The following C12orf75 variants were observed in gnomAD, a reference collection of about 807,000 sequenced individuals.
C12orf75 encodes chromosome 12 open reading frame 75.
Under a neutral mutation model 11.4 loss-of-function variants are expected in C12orf75, and 4 were observed. The observed-to-expected ratio is 0.35, with a 90% CI of 0.17 to 0.80. C12orf75 has a LOEUF of 0.80. C12orf75 is among the 30% of genes least tolerant of loss of function. The probability of loss-of-function intolerance (pLI) is 0.52; values close to 1 mark genes in which losing one functional copy is unlikely to be tolerated. For missense variants in C12orf75, 89 were observed against 80.4 expected (o/e 1.11, Z -0.41); for synonymous variants, 30 against 30.0 (o/e 1.00, Z 0.00).
At position 105,358,394 on chromosome 12, in the gene C12orf75, G is replaced by A. The variant is rs558758912; in HGVS notation, c.72-7413G>A. 6.6e-5 allele frequency among the ~76,000 whole-genome samples: 10 copies of A among 152,176 alleles called. No homozygotes were observed. In the South Asian group the frequency reaches 1.9e-3, roughly 28 times the overall value. ...TATGTTAGCCAGGTGCGGGGTGTGC[G>A]CCTGTGGTGCCAGCTGCTAGGGAGG... On this transcript the variant is annotated intron_variant, in intron 2 of 5. Coordinates refer to ENST00000443585, the MANE Select transcript of C12orf75 (RefSeq NM_001145199.2).
chr12:105,331,145 G>C (rs1020168852), intron 1 of C12orf75, among the ~76,000 whole-genome samples: 1 of 151,926 alleles, frequency 6.6e-6, no homozygotes, highest in Non-Finnish European at 1.5e-5. Context: ...TCGAGCCTGC[G>C]GGGCGTCTCT....
In C12orf75 at chr12:105,362,161, C is replaced by T. The variant is rs370905404; in HGVS notation, c.72-3646C>T. Among the ~76,000 whole-genome samples, 13 of 151,638 alleles carry T rather than the reference C, an allele frequency of 8.6e-5. No homozygotes were observed. The East Asian group carries it at 1.4e-3, about 16-fold the overall frequency. ...CAGCACTTTGGGAGGCCGAGGCGGG[C>T]GGATCACGAGGTCAGGAGATCGAGA... On this transcript the variant is annotated intron_variant, in intron 2 of 5. Transcript: ENST00000443585.
At chr12:105,358,612 A>G (rs560200567) in intron 2 of C12orf75, among the ~76,000 whole-genome samples, 1 of 152,370 alleles carries the variant, frequency 6.6e-6, no homozygotes, top group African/African-American at 2.4e-5. Context: ...TTTCAGTCTT[A>G]CATTTTTTCA....
intron 1 of C12orf75, among the ~76,000 whole-genome samples, chr12:105,332,761 G>T (rs1351750801): frequency 6.7e-6 from 1 of 149,954 alleles, no homozygotes; most frequent in Admixed American, 6.7e-5. Context: ...GAAAAGAAAA[G>T]AAAATAGAAA....
intron 2 of C12orf75, among the ~76,000 whole-genome samples, chr12:105,360,737 T>A (rs1013861148): frequency 3.9e-5 from 6 of 152,078 alleles, no homozygotes; most frequent in African/African-American, 1.4e-4. Flanking sequence ...CTGCAACCAC[T>A]GTCTCCCGGG....
chr12:105,331,572 G>A (rs548339510), intron 1 of C12orf75, among the ~76,000 whole-genome samples: 1 of 147,212 alleles, frequency 6.8e-6, no homozygotes, highest in East Asian at 2.0e-4. Flanking sequence ...TTAACAGTCT[G>A]TTAAGATACT....
At chr12:105,365,729 C>T (rs1215522674) in intron 2 of C12orf75, 78 bp from the exon 3 acceptor site, 7 of 933,104 alleles carry the variant, frequency 7.5e-6, no homozygotes, top group African/African-American at 1.6e-5. Context: ...ACTCAGTAGT[C>T]CCTTTTTCTC....
At chr12:105,353,062 T>C (rs371834739) in intron 2 of C12orf75, among the ~76,000 whole-genome samples, 6 of 152,304 alleles carry the variant, frequency 3.9e-5, no homozygotes, top group African/African-American at 1.4e-4. Flanking sequence ...TTGGCACAAA[T>C]AGGCTGCGTT....
intron 2 of C12orf75, among the ~76,000 whole-genome samples, chr12:105,361,723 C>T (rs934069268): frequency 6.6e-6 from 1 of 152,164 alleles, no homozygotes; most frequent in African/African-American, 2.4e-5. Flanking sequence ...GGCAGGACCA[C>T]ACCACCCCAA....
At chr12:105,350,959 A>G (rs1301735304) in intron 2 of C12orf75, among the ~76,000 whole-genome samples, 1 of 152,232 alleles carries the variant, frequency 6.6e-6, no homozygotes, top group African/African-American at 2.4e-5. Context: ...TCCCTTGACT[A>G]TACCTCATTC....
At position 105,336,770 on chromosome 12, in the gene C12orf75, G is replaced by A. The variant is rs142706501; in HGVS notation, c.46+5833G>A. 2.1e-3 allele frequency among the ~76,000 whole-genome samples: 319 copies of A among 152,260 alleles called. 2 individuals are homozygous for A. The highest frequency in any genetic ancestry group is 7.4e-3 in the African/African-American group (308 of 41,538). On this transcript the variant is annotated intron_variant, in intron 1 of 5. Coordinates refer to ENST00000443585, the MANE Select transcript of C12orf75 (RefSeq NM_001145199.2). The stretch of plus-strand genomic sequence containing the variant: ...GTTAGAGCCTGGGTAACTGGAAGGA[G>A]GTTGCTACTCACTCTAAAAGTAAGG...
At position 105,330,730 on chromosome 12, in the gene C12orf75, C is replaced by A; in HGVS notation, c.-162C>A. 1.6e-6 allele frequency: 1 copy of A among 615,904 alleles called. No homozygotes were observed. The highest frequency in any genetic ancestry group is 2.2e-6 in the Non-Finnish European group (1 of 449,462). The allele number at this position is 615,904 out of a possible 1,614,324, so 38.2% of individuals were successfully genotyped here. A position where few individuals can be genotyped will look rare whatever the true frequency, so the allele number is the denominator to read the frequency against. Reference sequence around the variant, plus strand: ...AGCCCGCAGCCCGCTGCGCCCCGGGCCGCGTCTCCCGGCGGTGGGAGGGGG... The same window carrying A: ...AGCCCGCAGCCCGCTGCGCCCCGGGACGCGTCTCCCGGCGGTGGGAGGGGG... On this transcript the variant is annotated 5_prime_UTR_variant, in exon 1 of 6. Transcript: ENST00000443585.
intron 2 of C12orf75, 74 bp downstream of exon 2, chr12:105,348,700 T>C: frequency 1.0e-6 from 1 of 966,838 alleles, no homozygotes. Context: ...TTATGACCTT[T>C]AGATCTCTGT....
intron 1 of C12orf75, among the ~76,000 whole-genome samples, chr12:105,334,322 T>C (rs1051163422): frequency 1.1e-4 from 17 of 152,206 alleles, no homozygotes; most frequent in African/African-American, 4.1e-4. Flanking sequence ...ATAGTCTAGG[T>C]AGGAAGATTA....
chr12:105,352,072 A>G (rs1441691605), intron 2 of C12orf75, among the ~76,000 whole-genome samples: 1 of 152,184 alleles, frequency 6.6e-6, no homozygotes, highest in Non-Finnish European at 1.5e-5. Flanking sequence ...AATGTAATTA[A>G]TAAGATTTGT....
At chr12:105,340,099 A>G (rs1186922005) in intron 1 of C12orf75, among the ~76,000 whole-genome samples, 1 of 152,152 alleles carries the variant, frequency 6.6e-6, no homozygotes, top group Non-Finnish European at 1.5e-5. Context: ...ATCTGTCTGT[A>G]GGAACCAAGA....
Position 105,353,487 on chromosome 12 carries a change from G to A in C12orf75, c.71+4861G>A, listed in dbSNP as rs1406421390. On this transcript the variant is annotated intron_variant, in intron 2 of 5. Coordinates refer to ENST00000443585, the MANE Select transcript of C12orf75 (RefSeq NM_001145199.2). ...ATGTGCTCACCACTGGAGCCAATCAGTATCATCAGCCCCACCTTACCATAT... is the reference window on the plus strand; with the variant it reads ...ATGTGCTCACCACTGGAGCCAATCAATATCATCAGCCCCACCTTACCATAT... 2.6e-5 allele frequency: 4 copies of A among 152,198 alleles called. No individual in the cohort carries two copies. In the East Asian group the frequency reaches 7.7e-4, roughly 29 times the overall value. The allele number at this position is 152,198 out of a possible 1,614,324, so 9.4% of individuals were successfully genotyped here.
intron 2 of C12orf75, among the ~76,000 whole-genome samples, chr12:105,356,535 T>G (rs1272488156): frequency 2.2e-5 from 3 of 138,154 alleles, no homozygotes; most frequent in Non-Finnish European, 3.1e-5. Flanking sequence ...AAAAAATAAA[T>G]CATTTCTTTG....
At chr12:105,341,397 C>G (rs532775976) in intron 1 of C12orf75, among the ~76,000 whole-genome samples, 9 of 152,160 alleles carry the variant, frequency 5.9e-5, no homozygotes, top group Non-Finnish European at 8.8e-5. Context: ...TAGTGTCAGC[C>G]TCCACAGGTT....
Sources: allele counts gnomAD v4.1 joint callset (sites outside exome capture counted in the v4.1 genomes callset), GRCh38; gene constraint gnomAD v4.1.1; transcripts MANE v1.5; gene names NCBI Gene and HGNC (gene_info 2026-07-23, HGNC 2026-07-21).